The following PTPN14 variants were observed in gnomAD, a reference collection of about 807,000 sequenced individuals.
The protein encoded by PTPN14 is tyrosine-protein phosphatase non-receptor type 14.
Under a neutral mutation model 126.8 loss-of-function variants are expected in PTPN14, and 53 were observed. The ratio of observed to expected loss-of-function variants is 0.42; its 90% CI spans 0.34 to 0.53. The LOEUF is 0.53. PTPN14 is among the 20% of genes least tolerant of loss of function. The probability of loss-of-function intolerance (pLI) is 0.08; values close to 1 mark genes in which losing one functional copy is unlikely to be tolerated. For missense variants in PTPN14, 1,257 were observed against 1,552.9 expected (o/e 0.81, Z 3.20); for synonymous variants, 630 against 599.3 (o/e 1.05, Z -0.75).
intron 1 of PTPN14, chr1:214,483,080 T>C: frequency 6.2e-7 from 1 of 1,611,336 alleles, no homozygotes; most frequent in East Asian, 2.2e-5. Context: ...TTCACAGACA[T>C]TTTCAAAACA....
intron 1 of PTPN14, among the ~76,000 whole-genome samples, chr1:214,521,813 G>A (rs959094170): frequency 2.8e-4 from 43 of 151,070 alleles, no homozygotes; most frequent in African/African-American, 1.0e-3. Context: ...GTTAGGAAAA[G>A]TATGGGCAGA....
chr1:214,392,495 C>T (rs1658779743), intron 10 of PTPN14, among the ~76,000 whole-genome samples: 1 of 152,122 alleles, frequency 6.6e-6, no homozygotes, highest in South Asian at 2.1e-4. Context: ...TTTTTAAATT[C>T]ATCCTACAGA....
chr1:214,436,745 C>A (rs1336964619), intron 3 of PTPN14, among the ~76,000 whole-genome samples: 5 of 139,364 alleles, frequency 3.6e-5, no homozygotes, highest in Non-Finnish European at 6.2e-5. Flanking sequence ...CGAGATCGCA[C>A]CATTGCACTC....
In PTPN14 at chr1:214,364,748, G is replaced by A. The variant is rs74954253; in HGVS notation, c.3272-73C>T. 1.1e-3 allele frequency: 1,587 copies of A among 1,441,814 alleles called. 12 individuals are homozygous for A. The African/African-American group carries it at 0.019, about 17-fold the overall frequency. 89.3% of individuals were successfully genotyped at this position (1,441,814 alleles called of 1,614,324 possible). A position where few individuals can be genotyped will look rare whatever the true frequency, so the allele number is the denominator to read the frequency against. On this transcript the variant is annotated intron_variant, in intron 17 of 18. Transcript: ENST00000366956. This position sits in a 1 kb window ranked among gnomAD's most constrained non-coding sequence, Gnocchi z 4.1. ...GCATGTAAGTTGGGGAGGGGGGAGCGGAAGAGAACTGATGGTGAGTGTGTG... is the reference window on the plus strand; with the variant it reads ...GCATGTAAGTTGGGGAGGGGGGAGCAGAAGAGAACTGATGGTGAGTGTGTG...
chr1:214,504,578 C>T (rs1253003515), intron 1 of PTPN14, among the ~76,000 whole-genome samples: 1 of 152,136 alleles, frequency 6.6e-6, no homozygotes, highest in East Asian at 1.9e-4. Flanking sequence ...TGTCCCAGCC[C>T]CATCTCTGAA....
At chr1:214,405,228 G>A (rs1659133704) in intron 5 of PTPN14, among the ~76,000 whole-genome samples, 1 of 152,130 alleles carries the variant, frequency 6.6e-6, no homozygotes, top group Admixed American at 6.5e-5. Context: ...TCCCCAGCTG[G>A]ACGTAAGCAT....
chr1:214,425,244 AG>A (rs1409147544), intron 3 of PTPN14, among the ~76,000 whole-genome samples: 2 of 152,236 alleles, frequency 1.3e-5, no homozygotes, highest in East Asian at 3.8e-4. Context: ...TTACTGACTC[AG>A]AGACACCCAG....
chr1:214,533,915 CAAG>C (rs1407085713), intron 1 of PTPN14, among the ~76,000 whole-genome samples: 1 of 144,356 alleles, frequency 6.9e-6, no homozygotes, highest in Non-Finnish European at 1.5e-5. Flanking sequence ...GCCAAGAAAA[CAAG>C]GAGGATGAAA....
intron 1 of PTPN14, among the ~76,000 whole-genome samples, chr1:214,495,654 TTTTATTTTTTTTA>T (rs1394772668): frequency 6.9e-6 from 1 of 144,270 alleles, no homozygotes; most frequent in Non-Finnish European, 1.5e-5. Flanking sequence ...TCATGTGCTA[TTTTATTTTTTTTA>T]TTTATTTATT....
At chr1:214,538,755 A>G (rs57108161) in intron 1 of PTPN14, among the ~76,000 whole-genome samples, 7,983 of 152,260 alleles carry the variant, frequency 0.052, 452 homozygotes, top group African/African-American at 0.15. Flanking sequence ...TGGGGGAGAC[A>G]GAGGGCAGAA....
chr1:214,494,099 C>G (rs1325878284), intron 1 of PTPN14, among the ~76,000 whole-genome samples: 1 of 151,974 alleles, frequency 6.6e-6, no homozygotes, highest in Non-Finnish European at 1.5e-5. Flanking sequence ...GAGACAGAGT[C>G]TCGCACTGTC....
intron 17 of PTPN14, among the ~76,000 whole-genome samples, chr1:214,368,971 G>GAC (rs969357285): frequency 6.6e-6 from 1 of 152,170 alleles, no homozygotes; most frequent in African/African-American, 2.4e-5. Flanking sequence ...GACAGAGCGA[G>GAC]ACTCCGCCTC....
At chr1:214,453,391 C>G (rs1660311897) in intron 2 of PTPN14, among the ~76,000 whole-genome samples, 1 of 152,244 alleles carries the variant, frequency 6.6e-6, no homozygotes, top group African/African-American at 2.4e-5. Context: ...GTCAGTCCAT[C>G]TCCCATCTTT....
intron 1 of PTPN14, among the ~76,000 whole-genome samples, chr1:214,489,459 G>C (rs1661184494): frequency 1.3e-5 from 2 of 152,138 alleles, no homozygotes; most frequent in African/African-American, 4.8e-5. Context: ...GAGTATTATT[G>C]CTTCTGAGAG....
chr1:214,488,545 AT>A (rs1661166231), intron 1 of PTPN14, among the ~76,000 whole-genome samples: 3 of 152,250 alleles, frequency 2.0e-5, no homozygotes, highest in Non-Finnish European at 4.4e-5. Context: ...CATAAGTCTT[AT>A]CTTTTTCTTA....
intron 15 of PTPN14, 61 bp from the exon 16 acceptor site, chr1:214,372,900 T>C: frequency 6.3e-7 from 1 of 1,598,972 alleles, no homozygotes; most frequent in South Asian, 1.1e-5. Flanking sequence ...TACCTGCTGA[T>C]CACCTGTCCA....
chr1:214,478,876 CATA>C (rs1316568343), intron 1 of PTPN14, among the ~76,000 whole-genome samples: 1 of 152,118 alleles, frequency 6.6e-6, no homozygotes, highest in Non-Finnish European at 1.5e-5. Context: ...TGTACATTTA[CATA>C]ATAAAATAAG....
At chr1:214,542,001 G>A (rs966043720) in intron 1 of PTPN14, among the ~76,000 whole-genome samples, 11 of 152,120 alleles carry the variant, frequency 7.2e-5, no homozygotes, top group Admixed American at 2.6e-4. Flanking sequence ...ACTCAGCTTA[G>A]GAAACAAAAC....
chr1:214,441,634 G>A (rs1660038676), intron 3 of PTPN14, among the ~76,000 whole-genome samples: 1 of 152,170 alleles, frequency 6.6e-6, no homozygotes, highest in Non-Finnish European at 1.5e-5. Flanking sequence ...CCCACCCATT[G>A]TAATGATACC....
Sources: allele counts gnomAD v4.1 joint callset (sites outside exome capture counted in the v4.1 genomes callset), GRCh38; gene constraint gnomAD v4.1.1; non-coding constraint Gnocchi (gnomAD v3.1); transcripts MANE v1.5; gene names NCBI Gene and HGNC (gene_info 2026-07-23, HGNC 2026-07-21).